Variants in VCAN observed in about 807,000 individuals in gnomAD.
VCAN encodes the protein versican, also known as versican core protein.
VCAN carries 44 observed loss-of-function variants against 245.5 expected under a neutral mutation model. The ratio of observed to expected loss-of-function variants is 0.18; its 90% CI spans 0.14 to 0.23. The LOEUF is 0.23. Ranked by LOEUF, VCAN falls within the 10% of genes least tolerant of loss-of-function variation. The pLI, the probability that VCAN is intolerant of heterozygous loss-of-function variation, is 1.00. For synonymous variants in VCAN, 1,413 were observed against 1,437.0 expected, an observed-to-expected ratio of 0.98 and a Z score of 0.38; for missense variants, 3,793 against 4,057.9, an observed-to-expected ratio of 0.93 and a Z score of 1.77.
chr5:83,491,996 G>A (rs867300577), intron 3 of VCAN, among the ~76,000 whole-genome samples: 2 of 151,860 alleles, frequency 1.3e-5, no homozygotes, highest in African/African-American at 4.8e-5. Flanking sequence ...TTTTAGAGAG[G>A]TTCTATAAAG....
chr5:83,544,041 A>G (rs1747104706), intron 8 of VCAN, among the ~76,000 whole-genome samples: 2 of 152,370 alleles, frequency 1.3e-5, no homozygotes, highest in African/African-American at 2.4e-5. Flanking sequence ...TAGGAATAGT[A>G]ATAGTACTTC....
intron 12 of VCAN, among the ~76,000 whole-genome samples, chr5:83,565,179 C>T (rs1395778255): frequency 6.6e-6 from 1 of 152,156 alleles, no homozygotes; most frequent in Non-Finnish European, 1.5e-5. Context: ...TGTGTAAAAA[C>T]TCTCAGTGAG....
chr5:83,573,730 A>T, intron 13 of VCAN, among the ~76,000 whole-genome samples: 1 of 152,226 alleles, frequency 6.6e-6, no homozygotes. Flanking sequence ...AAAAACCAAA[A>T]TGTATGAATG....
At chr5:83,472,419 G>A (rs1744229155) in intron 1 of VCAN, among the ~76,000 whole-genome samples, 1 of 152,134 alleles carries the variant, frequency 6.6e-6, no homozygotes, top group Non-Finnish European at 1.5e-5. Flanking sequence ...TAACACGCTC[G>A]AGGCAAAAGT....
chr5:83,572,789 A>C (rs1399744038), intron 13 of VCAN, among the ~76,000 whole-genome samples: 1 of 152,160 alleles, frequency 6.6e-6, no homozygotes, highest in African/African-American at 2.4e-5. Flanking sequence ...TGTGACATTA[A>C]CGTAGGAATG....
intron 6 of VCAN, among the ~76,000 whole-genome samples, chr5:83,516,812 G>A (rs771341249): frequency 5.3e-5 from 8 of 152,136 alleles, no homozygotes; most frequent in South Asian, 2.1e-4. Flanking sequence ...ATATCTCTTC[G>A]TAGATATTGT....
chr5:83,483,194 G>A (rs1867667), intron 1 of VCAN, among the ~76,000 whole-genome samples: 105,762 of 152,110 alleles, frequency 0.7, 36,967 homozygotes, highest in Middle Eastern at 0.81. Flanking sequence ...TGTGGTCTCT[G>A]TTGTTCTTCA....
intron 10 of VCAN, among the ~76,000 whole-genome samples, chr5:83,551,383 A>C (rs1747464364): frequency 6.6e-6 from 1 of 151,906 alleles, no homozygotes; most frequent in Non-Finnish European, 1.5e-5. Context: ...ATGGTGGTGC[A>C]CGCCTGTAGT....
chr5:83,571,836 G>A (rs901712783), intron 12 of VCAN, among the ~76,000 whole-genome samples: 4 of 152,124 alleles, frequency 2.6e-5, no homozygotes, highest in African/African-American at 9.7e-5. Flanking sequence ...AAAATGATTA[G>A]CATAGGTATG....
Position 83,521,680 on chromosome 5 carries a change from G to A in VCAN, c.3374G>A (p.Arg1125His), listed in dbSNP as rs146606609. 1.4e-4 allele frequency: 223 copies of A among 1,613,664 alleles called. No individual in the cohort carries two copies. In the African/African-American group the frequency reaches 2.5e-3, roughly 18 times the overall value. Residue 1125 changes from arginine (R) to histidine (H), a missense_variant, in exon 7 of 15, where the codon CGC (arginine) becomes CAC (histidine). By Grantham distance (29) the Arg-to-His change is conservative (BLOSUM62 0). This residue lies in a region of VCAN where 3,182 missense variants were observed against 3,250.3 expected (regional missense o/e 0.98). Coordinates refer to ENST00000265077, the MANE Select transcript of VCAN (RefSeq NM_004385.5). Reference protein sequence around the residue: ...KTDEVVTLTPRIGPKVSLSPG... With the variant: ...KTDEVVTLTPHIGPKVSLSPG... ...GATGAAGTGGTAACACTAACACCAC[G>A]CATTGGGCCAAAAGTATCTTTAAGT...
At chr5:83,529,406 C>G (rs919581900) in intron 7 of VCAN, among the ~76,000 whole-genome samples, 2 of 150,066 alleles carry the variant, frequency 1.3e-5, no homozygotes, top group South Asian at 2.1e-4. Context: ...AATAAAAACC[C>G]AACACACTAT....
In VCAN at chr5:83,471,830, T is replaced by A; in HGVS notation, c.-200T>A. 2.5e-6 allele frequency: 1 copy of A among 398,372 alleles called. No homozygotes were observed. Among genetic ancestry groups the A allele is most frequent in the East Asian group, 3.6e-5 (1 of 28,052 alleles). 24.7% of individuals were successfully genotyped at this position (398,372 alleles called of 1,614,324 possible). A position where few individuals can be genotyped will look rare whatever the true frequency, so the allele number is the denominator to read the frequency against. The stretch of plus-strand genomic sequence containing the variant: ...ACGCAACAGCCGAGAACATTAGGTG[T>A]TGTGGACAGGAGCTGGGACCAAGAT... On this transcript the variant is annotated 5_prime_UTR_variant, in exon 1 of 15. In the 5' UTR this introduces an upstream ATG that the reference lacks. Coordinates refer to ENST00000265077, the MANE Select transcript of VCAN (RefSeq NM_004385.5).
Position 83,519,391 on chromosome 5 carries a change from C to A in VCAN, c.1085C>A (p.Thr362Asn). Residue 362 changes from threonine to asparagine, a missense_variant, in exon 7 of 15, where the codon ACT becomes AAT. Thr to Asn is a moderately conservative substitution (Grantham distance 65). Around this residue, in one of 5 missense-constraint regions of VCAN, gnomAD observed 3,182 missense variants for 3,250.3 expected, o/e 0.98. Coordinates refer to ENST00000265077, the MANE Select transcript of VCAN (RefSeq NM_004385.5). ...ATCGATTTGAGTATCCTCGCAGAAA[C>A]TGCATCACCCAGTTTATCCAAAGAA... ...TTIDLSILAE[T>N]ASPSLSKEPQ... 1 of 1,614,068 alleles carries A rather than the reference C, an allele frequency of 6.2e-7. No homozygotes were observed. The highest frequency in any genetic ancestry group is 8.5e-7 in the Non-Finnish European group (1 of 1,179,918).
chr5:83,540,945 C>A lies in VCAN; in HGVS notation c.7942C>A (p.Gln2648Lys). The A allele has an allele frequency of 6.2e-7, 1 of 1,614,074 alleles. No individual in the cohort carries two copies. The highest frequency in any genetic ancestry group is 8.5e-7 in the Non-Finnish European group (1 of 1,179,994). Residue 2648 changes from glutamine (Q) to lysine (K), a missense_variant, in exon 8 of 15, where the codon CAG (glutamine) becomes AAG (lysine). Physicochemically the swap from Gln to Lys is moderately conservative, Grantham distance 53 (BLOSUM62 1). Transcript: ENST00000265077. The stretch of plus-strand genomic sequence containing the variant: ...TGCTGATGTTCTGGCTAGCTACACT[C>A]AGGCAACACATGATGAATCAATGAC... ...GSADVLASYT[Q>K]ATHDESMTYE... is the part of the protein sequence containing the mutation.
At chr5:83,516,557 A>G (rs1255610073) in intron 6 of VCAN, among the ~76,000 whole-genome samples, 1 of 152,262 alleles carries the variant, frequency 6.6e-6, no homozygotes, top group African/African-American at 2.4e-5. Flanking sequence ...AAATGCCATA[A>G]GTACAGTGAT....
chr5:83,543,972 G>C (rs1481108143), intron 8 of VCAN, among the ~76,000 whole-genome samples: 5 of 152,204 alleles, frequency 3.3e-5, no homozygotes, highest in African/African-American at 1.2e-4. Flanking sequence ...CAGTTCACAG[G>C]AAGACTCACT....
At chr5:83,572,372 CT>C in intron 12 of VCAN, 43 bp from the exon 13 acceptor site, 1 of 1,612,314 alleles carries the variant, frequency 6.2e-7, no homozygotes, top group Non-Finnish European at 8.5e-7. Flanking sequence ...TCTTACGTTA[CT>C]TTTTGACTAG....
rs537724096 is a variant in VCAN at position 83,581,664 on chromosome 5, C to G, written c.*1230C>G. 6.6e-6 allele frequency: 1 copy of G among 152,210 alleles called. No individual in the cohort carries two copies. Among genetic ancestry groups the G allele is most frequent in the East Asian group, 1.9e-4 (1 of 5,170 alleles). 9.4% of individuals were successfully genotyped at this position (152,210 alleles called of 1,614,324 possible). On this transcript the variant is annotated 3_prime_UTR_variant, in exon 15 of 15. Transcript: ENST00000265077. ...TATAGCTTTTAGCAAAAGGTGTTTG[C>G]CCATTCTAAGAAATGAGCGAATATA...
At chr5:83,503,210 AC>A (rs1434221621) in intron 5 of VCAN, among the ~76,000 whole-genome samples, 1 of 152,016 alleles carries the variant, frequency 6.6e-6, no homozygotes, top group Non-Finnish European at 1.5e-5. Flanking sequence ...AAACAAAAAA[AC>A]GATGGAGAGA....
Sources: gnomAD v4.1 joint callset for allele counts (sites outside exome capture counted in the v4.1 genomes callset) on GRCh38, gnomAD v4.1.1 for gene constraint, gnomAD v4.1.1 regional missense constraint, MANE v1.5 for transcripts, NCBI Gene and HGNC (gene_info 2026-07-23, HGNC 2026-07-21) for gene names.